The following LARGE1 variants were observed in gnomAD, a reference collection of about 807,000 sequenced individuals.
LARGE1 encodes xylosyl- and glucuronyltransferase LARGE1.
LARGE1 carries 43 observed loss-of-function variants against 87.6 expected under a neutral mutation model. That is an observed-to-expected ratio of 0.49 (90% CI 0.38 to 0.63). The LOEUF (loss-of-function observed/expected upper bound fraction) is 0.63, where lower values mean the gene tolerates loss of function less well. LARGE1 is among the 30% of genes least tolerant of loss of function. The probability of loss-of-function intolerance (pLI) is 0.00; values close to 1 mark genes in which losing one functional copy is unlikely to be tolerated. For synonymous variants in LARGE1, 434 were observed against 394.6 expected, an observed-to-expected ratio of 1.10 and a Z score of -1.18; for missense variants, 802 against 1,000.2, an observed-to-expected ratio of 0.80 and a Z score of 2.67.
chr22:33,902,780 T>C (rs1232312183), intron 1 of LARGE1, among the ~76,000 whole-genome samples: 1 of 152,208 alleles, frequency 6.6e-6, no homozygotes, highest in African/African-American at 2.4e-5. Flanking sequence ...CTTCGTATGT[T>C]GAAGTTCTAA....
At chr22:33,616,990 C>T (rs137936727) in intron 4 of LARGE1, among the ~76,000 whole-genome samples, 303 of 152,310 alleles carry the variant, frequency 2.0e-3, no homozygotes, top group African/African-American at 7.0e-3. Flanking sequence ...GAGGAATAGG[C>T]AAATATTGGA....
intron 2 of LARGE1, among the ~76,000 whole-genome samples, chr22:33,680,460 T>C (rs1179074670): frequency 6.7e-6 from 1 of 149,636 alleles, no homozygotes; most frequent in African/African-American, 2.4e-5. Flanking sequence ...AACTCCAGAA[T>C]GGGGTGGGGG....
chr22:33,392,150 T>C lies in LARGE1; in HGVS notation c.893-7846A>G, dbSNP rs796884770. Among the ~76,000 whole-genome samples, 190 of 124,638 alleles carry C rather than the reference T, an allele frequency of 1.5e-3. 3 individuals carry two copies. Among genetic ancestry groups the C allele is most frequent in the African/African-American group, 9.1e-3 (184 of 20,120 alleles). 81.8% of individuals were successfully genotyped at this position (124,638 alleles called of 152,430 possible). On this transcript the variant is annotated intron_variant, in intron 7 of 14. Coordinates refer to ENST00000397394, the MANE Select transcript of LARGE1 (RefSeq NM_133642.5). ...ATGAATTCTGGGAACACACGCTTCT[T>C]CTTTTTTTTTTTTTTTGTAGCTATC...
chr22:33,409,012 T>C (rs868574901), intron 7 of LARGE1, among the ~76,000 whole-genome samples: 1 of 152,204 alleles, frequency 6.6e-6, no homozygotes, highest in African/African-American at 2.4e-5. Context: ...TTCATAAATG[T>C]TGGCTCAATA....
At chr22:33,860,139 T>A (rs1443706530) in intron 1 of LARGE1, among the ~76,000 whole-genome samples, 3 of 152,140 alleles carry the variant, frequency 2.0e-5, no homozygotes, top group Non-Finnish European at 2.9e-5. Flanking sequence ...TAAAAAATTT[T>A]AAATTTTTTT....
In LARGE1 at chr22:33,628,006, C is replaced by G. The variant is rs1322810254; in HGVS notation, c.409-1680G>C. ...AACCATCACCCCACTCTGCTCTCAG[C>G]TCCCGTATGCACTCTACCCCCACAT... is the stretch of plus-strand genomic sequence containing the variant. On this transcript the variant is annotated intron_variant, in intron 3 of 14. Coordinates refer to ENST00000397394, the MANE Select transcript of LARGE1 (RefSeq NM_133642.5). Among the ~76,000 whole-genome samples, 5 of 152,154 alleles carry G rather than the reference C, an allele frequency of 3.3e-5. No homozygotes were observed. In the East Asian group the frequency reaches 9.7e-4, roughly 29 times the overall value.
intron 5 of LARGE1, among the ~76,000 whole-genome samples, chr22:33,597,427 G>A (rs1461389794): frequency 6.6e-6 from 1 of 152,078 alleles, no homozygotes; most frequent in Non-Finnish European, 1.5e-5. Flanking sequence ...GGTAGCAGCA[G>A]TTTACCCACC....
At chr22:33,371,259 T>A (rs4821145) in intron 9 of LARGE1, among the ~76,000 whole-genome samples, 80,779 of 151,932 alleles carry the variant, frequency 0.53, 26,328 homozygotes, top group East Asian at 0.82. Context: ...TGCCTTTTAG[T>A]TCCTGTGACT....
the LARGE1 span, among the ~76,000 whole-genome samples, chr22:33,151,422 TCA>T: frequency 2.6e-5 from 4 of 152,306 alleles, no homozygotes; most frequent in East Asian, 7.7e-4. Context: ...TCGTTTATTC[TCA>T]GTTGGATGTC....
chr22:33,481,417 G>T (rs1302692420), intron 6 of LARGE1, among the ~76,000 whole-genome samples: 1 of 151,918 alleles, frequency 6.6e-6, no homozygotes, highest in Non-Finnish European at 1.5e-5. Context: ...TTTTTTAAAT[G>T]CTTTGTAGGA....
At chr22:33,221,963 A>T (rs1275659044) in intron 11 of LARGE1, among the ~76,000 whole-genome samples, 1 of 152,028 alleles carries the variant, frequency 6.6e-6, no homozygotes, top group Non-Finnish European at 1.5e-5. Context: ...TCAACTAAAC[A>T]TTTTCACTGG....
chr22:33,835,516 G>A (rs1460787227), intron 1 of LARGE1, among the ~76,000 whole-genome samples: 1 of 152,212 alleles, frequency 6.6e-6, no homozygotes, highest in African/African-American at 2.4e-5. Flanking sequence ...CCCCAGGCTG[G>A]TGGATCTGAG....
chr22:33,152,084 T>C, the LARGE1 span, among the ~76,000 whole-genome samples: 1 of 152,210 alleles, frequency 6.6e-6, no homozygotes, highest in Admixed American at 6.5e-5. Flanking sequence ...TTTGGAAGAT[T>C]TCTAACTTCA....
chr22:33,520,662 G>A (rs1040648597), intron 6 of LARGE1, among the ~76,000 whole-genome samples: 1 of 152,156 alleles, frequency 6.6e-6, no homozygotes, highest in African/African-American at 2.4e-5. Flanking sequence ...CCTGACTCCC[G>A]GAAGTGTTCT....
chr22:33,320,261 ACCT>A (rs1415867692), intron 10 of LARGE1, among the ~76,000 whole-genome samples: 1 of 145,192 alleles, frequency 6.9e-6, no homozygotes, highest in African/African-American at 2.6e-5. Context: ...TTTCCCTCAC[ACCT>A]CCGTGACTTT....
intron 6 of LARGE1, among the ~76,000 whole-genome samples, chr22:33,559,654 C>T (rs149980125): frequency 3.3e-5 from 5 of 152,280 alleles, no homozygotes; most frequent in Middle Eastern, 3.4e-3. Flanking sequence ...AGGAACTTTG[C>T]GAGGACACAA....
At chr22:33,893,034 T>C (rs2065044034) in intron 1 of LARGE1, among the ~76,000 whole-genome samples, 1 of 152,224 alleles carries the variant, frequency 6.6e-6, no homozygotes, top group South Asian at 2.1e-4. Context: ...CATTTAACTA[T>C]CTGGCTGAGA....
chr22:33,908,807 G>T (rs1056275719), intron 1 of LARGE1, among the ~76,000 whole-genome samples: 1 of 152,070 alleles, frequency 6.6e-6, no homozygotes, highest in Non-Finnish European at 1.5e-5. Context: ...AGTGTGTACC[G>T]TAATCTCAAA....
At chr22:33,865,602 C>T (rs1007354170) in intron 1 of LARGE1, among the ~76,000 whole-genome samples, 5 of 151,916 alleles carry the variant, frequency 3.3e-5, no homozygotes, top group African/African-American at 4.8e-5. Context: ...CCTTGCTGTA[C>T]GCAGGGAAAA....
Sources: allele counts gnomAD v4.1 joint callset (sites outside exome capture counted in the v4.1 genomes callset), GRCh38; gene constraint gnomAD v4.1.1; transcripts MANE v1.5; gene names NCBI Gene and HGNC (gene_info 2026-07-23, HGNC 2026-07-21).